Variants in MRPL1 observed in about 807,000 individuals in gnomAD.
The protein encoded by MRPL1 is mitochondrial ribosomal protein L1.
In MRPL1, 28 loss-of-function variants were observed where a neutral mutation model predicts 38.0. The ratio of observed to expected loss-of-function variants is 0.74; its 90% CI spans 0.55 to 1.01. The LOEUF is 1.01. Among genes scored for constraint, MRPL1 ranks in the 50% least tolerant of loss-of-function variants. The pLI, the probability that MRPL1 is intolerant of heterozygous loss-of-function variation, is 0.00. For missense variants in MRPL1, 358 were observed against 389.8 expected (o/e 0.92, Z 0.69); for synonymous variants, 123 against 126.7 (o/e 0.97, Z 0.20).
At chr4:77,879,342 A>T (rs772169055) in intron 2 of MRPL1, among the ~76,000 whole-genome samples, 5 of 152,132 alleles carry the variant, frequency 3.3e-5, no homozygotes, top group African/African-American at 7.2e-5. Flanking sequence ...TCAGTATTAT[A>T]ATGTTGTTAT....
chr4:77,885,085 G>A (rs1179604969), intron 3 of MRPL1, among the ~76,000 whole-genome samples, 171 bp from the exon 4 acceptor site: 1 of 151,988 alleles, frequency 6.6e-6, no homozygotes, highest in Non-Finnish European at 1.5e-5. Flanking sequence ...AATTGTAATC[G>A]ATGAATAGTA....
At chr4:77,949,258 ATATT>A (rs1259769201) in intron 7 of MRPL1, among the ~76,000 whole-genome samples, 1 of 152,196 alleles carries the variant, frequency 6.6e-6, no homozygotes, top group Non-Finnish European at 1.5e-5. Flanking sequence ...CATTCACTGT[ATATT>A]TACTTACTGC....
intron 8 of MRPL1, among the ~76,000 whole-genome samples, chr4:77,950,502 A>G (rs910066539): frequency 1.3e-5 from 2 of 152,190 alleles, no homozygotes; most frequent in Non-Finnish European, 2.9e-5. Flanking sequence ...GCAAGGGTCC[A>G]TTATACTCAA....
At chr4:77,916,618 G>A (rs1460078414) in intron 7 of MRPL1, among the ~76,000 whole-genome samples, 1 of 152,116 alleles carries the variant, frequency 6.6e-6, no homozygotes, top group Admixed American at 6.6e-5. Flanking sequence ...TAGCATGGAT[G>A]TCTTCAAATA....
At chr4:77,918,273 A>G (rs1736471133) in intron 7 of MRPL1, among the ~76,000 whole-genome samples, 3 of 152,208 alleles carry the variant, frequency 2.0e-5, no homozygotes, top group African/African-American at 7.2e-5. Context: ...ACTGTTTTAA[A>G]GAAACCAAAT....
At chr4:77,873,472 ATT>A (rs1185976386) in intron 2 of MRPL1, among the ~76,000 whole-genome samples, 1 of 152,220 alleles carries the variant, frequency 6.6e-6, no homozygotes, top group African/African-American at 2.4e-5. Context: ...TTATGATGAA[ATT>A]TGCTAGAATA....
intron 6 of MRPL1, among the ~76,000 whole-genome samples, chr4:77,895,908 C>T (rs910042221): frequency 6.6e-6 from 1 of 151,984 alleles, no homozygotes; most frequent in Non-Finnish European, 1.5e-5. Context: ...AAAATTAAAC[C>T]AGAATTGCAG....
At chr4:77,937,950 G>T (rs1737026326) in intron 7 of MRPL1, among the ~76,000 whole-genome samples, 1 of 151,306 alleles carries the variant, frequency 6.6e-6, no homozygotes, top group African/African-American at 2.4e-5. Flanking sequence ...TACATAGTAG[G>T]AAACCAGAAG....
intron 7 of MRPL1, among the ~76,000 whole-genome samples, chr4:77,912,249 A>G (rs1005270967): frequency 6.6e-6 from 1 of 152,138 alleles, no homozygotes; most frequent in Admixed American, 6.5e-5. Context: ...TAGTTAGCGC[A>G]ATCAGGCAAG....
intron 3 of MRPL1, among the ~76,000 whole-genome samples, 200 bp downstream of exon 3, chr4:77,883,700 C>T (rs1051448860): frequency 4.6e-5 from 7 of 152,050 alleles, no homozygotes; most frequent in Non-Finnish European, 8.8e-5. Flanking sequence ...ACCTCAGCTT[C>T]CTGAGTAGCT....
intron 6 of MRPL1, chr4:77,907,283 C>T (rs1262395435): frequency 1.8e-6 from 1 of 555,448 alleles, no homozygotes; most frequent in African/African-American, 2.1e-5. Context: ...ATGACTAAAT[C>T]TTAGGAGAGA....
intron 4 of MRPL1, among the ~76,000 whole-genome samples, chr4:77,886,668 C>T (rs1025124199): frequency 1.3e-5 from 2 of 150,680 alleles, no homozygotes; most frequent in Non-Finnish European, 3.0e-5. Flanking sequence ...TTGTAGAGAT[C>T]GGGGATCTCA....
chr4:77,920,244 A>G (rs929462072), intron 7 of MRPL1, among the ~76,000 whole-genome samples: 5 of 152,186 alleles, frequency 3.3e-5, no homozygotes, highest in African/African-American at 1.2e-4. Flanking sequence ...TTTTCAATCA[A>G]CTTCTGCTTT....
chr4:77,869,186 C>T (rs1715538758), intron 1 of MRPL1, among the ~76,000 whole-genome samples: 1 of 152,136 alleles, frequency 6.6e-6, no homozygotes, highest in South Asian at 2.1e-4. Flanking sequence ...CTCAAGGGAA[C>T]TCTAACCTTT....
chr4:77,913,221 A>G (rs954870571), intron 7 of MRPL1, among the ~76,000 whole-genome samples: 2 of 152,154 alleles, frequency 1.3e-5, no homozygotes, highest in African/African-American at 4.8e-5. Flanking sequence ...CACTGTTAAG[A>G]GAAAGAAAAG....
chr4:77,867,429 C>T (rs1402894950), intron 1 of MRPL1, among the ~76,000 whole-genome samples: 1 of 152,228 alleles, frequency 6.6e-6, no homozygotes, highest in African/African-American at 2.4e-5. Context: ...ACTTGACAAA[C>T]ACTGTGCTAG....
intron 6 of MRPL1, among the ~76,000 whole-genome samples, 134 bp from the exon 7 acceptor site, chr4:77,909,103 CACTCAATGAATGTGAACACCAGGAAACAG>C (rs1377675581): frequency 7.7e-6 from 1 of 130,484 alleles, no homozygotes; most frequent in African/African-American, 2.6e-5. Context: ...GTTTCATTCA[CACTCAATGAATGTGAACACCAGGAAACAG>C]AGCTCTTTGG....
intron 7 of MRPL1, among the ~76,000 whole-genome samples, chr4:77,913,472 A>G (rs1216182604): frequency 2.6e-5 from 4 of 152,204 alleles, no homozygotes; most frequent in African/African-American, 4.8e-5. Context: ...TGGAATGAAT[A>G]AAGTTAAAAA....
intron 7 of MRPL1, among the ~76,000 whole-genome samples, chr4:77,931,933 G>A (rs1352237258): frequency 1.3e-5 from 2 of 152,114 alleles, no homozygotes; most frequent in Non-Finnish European, 2.9e-5. Flanking sequence ...GTGAGGAGAT[G>A]GACGCAGAGC....
Sources: gnomAD v4.1 joint callset for allele counts (sites outside exome capture counted in the v4.1 genomes callset) on GRCh38, gnomAD v4.1.1 for gene constraint, MANE v1.5 for transcripts, NCBI Gene and HGNC (gene_info 2026-07-23, HGNC 2026-07-21) for gene names.